The following RPS6KA2 variants were observed in gnomAD, a reference collection of about 807,000 sequenced individuals.
RPS6KA2 encodes the protein ribosomal protein S6 kinase alpha-2.
RPS6KA2 carries 42 observed loss-of-function variants against 91.8 expected under a neutral mutation model. The observed-to-expected ratio is 0.46, with a 90% CI of 0.36 to 0.59. RPS6KA2 has a LOEUF of 0.59. Ranked by LOEUF, RPS6KA2 falls within the 20% of genes least tolerant of loss-of-function variation. The pLI is 0.00. For synonymous variants in RPS6KA2, 414 were observed against 393.6 expected (o/e 1.05, Z -0.61); for missense variants, 798 against 978.5 (o/e 0.82, Z 2.46).
chr6:166,837,060 C>T (rs771359126), intron 2 of RPS6KA2, among the ~76,000 whole-genome samples: 16 of 152,218 alleles, frequency 1.1e-4, no homozygotes, highest in Non-Finnish European at 2.2e-4. Flanking sequence ...TGCCGCTCAC[C>T]TGGCCACAGC....
intron 10 of RPS6KA2, among the ~76,000 whole-genome samples, chr6:166,480,847 G>A (rs539696360): frequency 3.3e-5 from 5 of 151,950 alleles, no homozygotes; most frequent in Non-Finnish European, 7.4e-5. Context: ...ATGGGGTTTC[G>A]CCATGTTGGC....
intron 13 of RPS6KA2, among the ~76,000 whole-genome samples, chr6:166,450,015 TAA>T (rs1391631776): frequency 3.3e-4 from 23 of 70,046 alleles, no homozygotes; most frequent in Admixed American, 8.1e-4. Context: ...GGATGTCACC[TAA>T]GGGACCACCA....
intron 14 of RPS6KA2, among the ~76,000 whole-genome samples, chr6:166,442,117 T>C (rs1779537535): frequency 6.6e-6 from 1 of 152,222 alleles, no homozygotes; most frequent in South Asian, 2.1e-4. Context: ...ACCTTCCCCT[T>C]ACAGCCTAGG....
At chr6:166,839,270 T>C (rs1352040433) in intron 2 of RPS6KA2, among the ~76,000 whole-genome samples, 2 of 152,190 alleles carry the variant, frequency 1.3e-5, no homozygotes, top group South Asian at 4.1e-4. Context: ...AGTAGCTTCC[T>C]GCATTGTTCC....
In RPS6KA2 at chr6:166,495,950, G is replaced by A. The variant is rs1376331226; in HGVS notation, c.747+2558C>T. 1.3e-5 allele frequency among the ~76,000 whole-genome samples: 2 copies of A among 152,214 alleles called. No individual in the cohort carries two copies. Among genetic ancestry groups the A allele is most frequent in the Non-Finnish European group, 2.9e-5 (2 of 68,038 alleles). On this transcript the variant is annotated intron_variant, in intron 8 of 20. Coordinates refer to ENST00000265678, the MANE Select transcript of RPS6KA2 (RefSeq NM_021135.6). This position sits in a 1 kb window ranked among gnomAD's most constrained non-coding sequence, Gnocchi z 4.4. ...ACGTGGTCTCATTTCCTCTTCTTCTGGCCCCTCGTCGTGTCTCCATCTTTG... is the reference window on the plus strand; with the variant it reads ...ACGTGGTCTCATTTCCTCTTCTTCTAGCCCCTCGTCGTGTCTCCATCTTTG...
chr6:166,797,612 T>A lies in RPS6KA2; in HGVS notation c.123+60588A>T, dbSNP rs567236577. ...GTACCATCCATTAAGTGGAAATGGA[T>A]CCTCATACAGGTCTTCATCCTTGTT... On this transcript the variant is annotated intron_variant, in intron 2 of 21. Coordinates refer to the RPS6KA2 transcript ENST00000503859. Among the ~76,000 whole-genome samples the A allele has an allele frequency of 7.2e-5, 11 of 152,138 alleles. No individual in the cohort carries two copies. In the South Asian group the frequency reaches 1.7e-3, roughly 23 times the overall value.
chr6:166,549,942 C>G (rs1399342482), intron 1 of RPS6KA2, among the ~76,000 whole-genome samples: 1 of 152,116 alleles, frequency 6.6e-6, no homozygotes, highest in Non-Finnish European at 1.5e-5. Context: ...CTTCCTGTGA[C>G]TCTATAATCA....
intron 1 of RPS6KA2, among the ~76,000 whole-genome samples, chr6:166,572,563 C>A (rs1217527442): frequency 6.6e-6 from 1 of 152,274 alleles, no homozygotes; most frequent in East Asian, 1.9e-4. Context: ...ACATAGCTCT[C>A]ATTGCCGGCT....
chr6:166,500,734 A>C lies in RPS6KA2; in HGVS notation c.604+153T>G, dbSNP rs569343678. Reference sequence around the variant, plus strand: ...TATGAAGACATACAATGCCATAAGCAGTCTGTAGCTATAGAAAATTCTGCC... The same window carrying C: ...TATGAAGACATACAATGCCATAAGCCGTCTGTAGCTATAGAAAATTCTGCC... On this transcript the variant is annotated intron_variant, in intron 7 of 20. Transcript: ENST00000265678. The surrounding 1 kb of genome is among the most constrained non-coding windows in gnomAD (Gnocchi z 4.3). 6.6e-6 allele frequency among the ~76,000 whole-genome samples: 1 copy of C among 152,202 alleles called. No homozygotes were observed.
At chr6:166,491,443 A>G (rs1450854283) in intron 8 of RPS6KA2, among the ~76,000 whole-genome samples, 2 of 152,182 alleles carry the variant, frequency 1.3e-5, no homozygotes, top group Non-Finnish European at 2.9e-5. Flanking sequence ...GTGGCCTGGA[A>G]TGGTCTCATC....
At chr6:166,661,382 G>A (rs538768741) in intron 2 of RPS6KA2, among the ~76,000 whole-genome samples, 2 of 152,328 alleles carry the variant, frequency 1.3e-5, no homozygotes, top group African/African-American at 2.4e-5. Context: ...TTATAGGCAT[G>A]AGCCACCGCT....
chr6:166,821,906 A>G lies in RPS6KA2; in HGVS notation c.123+36294T>C, dbSNP rs1375040826. 6.6e-6 allele frequency among the ~76,000 whole-genome samples: 1 copy of G among 151,934 alleles called. No individual in the cohort carries two copies. Among genetic ancestry groups the G allele is most frequent in the African/African-American group, 2.4e-5 (1 of 41,358 alleles). On this transcript the variant is annotated intron_variant, in intron 2 of 21. Coordinates refer to the RPS6KA2 transcript ENST00000503859. This position sits in a 1 kb window ranked among gnomAD's most constrained non-coding sequence, Gnocchi z 4.1. Reference sequence around the variant, plus strand: ...TCTTCCCCTTCTCAGTTAACGGCACACTCAGATGTTCAGGTTCAACACTGG... The same window carrying G: ...TCTTCCCCTTCTCAGTTAACGGCACGCTCAGATGTTCAGGTTCAACACTGG...
Position 166,451,219 on chromosome 6 carries a change from G to T in RPS6KA2, c.1090C>A (p.Pro364Thr). 1 of 1,613,984 alleles carries T rather than the reference G, an allele frequency of 6.2e-7. No homozygotes were observed. The highest frequency in any genetic ancestry group is 1.1e-5 in the South Asian group (1 of 91,072). The change falls in exon 13 of 21, where the codon CCC becomes ACC. Residue 364 changes from proline to threonine, a missense_variant. Pro to Thr is a conservative substitution (Grantham distance 38, BLOSUM62 -1). Coordinates refer to ENST00000265678, the MANE Select transcript of RPS6KA2 (RefSeq NM_021135.6). ...ARTPTDSPGV[P>T]PSANAHHLFR... ...AGGTGATGAGCGTTTGCACTCGGGGGGACGCCAGGAGAGTCTGTAGGTGAC... is the reference window on the plus strand; with the variant it reads ...AGGTGATGAGCGTTTGCACTCGGGGTGACGCCAGGAGAGTCTGTAGGTGAC...
At chr6:166,463,171 G>A (rs1780387405) in intron 11 of RPS6KA2, 1 of 152,252 alleles carries the variant, frequency 6.6e-6, no homozygotes, top group African/African-American at 2.4e-5. Flanking sequence ...GTGCTAATAT[G>A]TGTTATTACT....
At chr6:166,793,584 C>T (rs564708080) in intron 2 of RPS6KA2, among the ~76,000 whole-genome samples, 41,062 of 145,672 alleles carry the variant, frequency 0.28, 5,926 homozygotes, top group Middle Eastern at 0.32. Context: ...GGAGGCATCA[C>T]GTTACCTGAC....
At position 166,842,900 on chromosome 6, in the gene RPS6KA2, G is replaced by T. The variant is rs553643595; in HGVS notation, c.123+15300C>A. Among the ~76,000 whole-genome samples the T allele has an allele frequency of 1.1e-4, 16 of 152,166 alleles. No individual in the cohort carries two copies. In the South Asian group the frequency reaches 3.3e-3, roughly 32 times the overall value. On this transcript the variant is annotated intron_variant, in intron 2 of 21. Coordinates refer to the RPS6KA2 transcript ENST00000503859. The stretch of plus-strand genomic sequence containing the variant: ...TACCAGGAAAGCCTAGAGAATCCAC[G>T]GACCCTTTGAAGGAACTTTATCGCT...
At position 166,648,153 on chromosome 6, in the gene RPS6KA2, T is replaced by TAC. The variant is rs3071069; in HGVS notation, c.124-109371_124-109370dup. ...ACATACATGCACACACGCACATGGT[T>TAC]ACACACCCATGCACACATGCTCACA... On this transcript the variant is annotated intron_variant, in intron 2 of 21. Transcript: ENST00000503859. This position sits in a 1 kb window ranked among gnomAD's most constrained non-coding sequence, Gnocchi z 4.8. Among the ~76,000 whole-genome samples the TAC allele has an allele frequency of 0.35, 45,943 of 132,058 alleles. 7,096 individuals are homozygous for TAC. Among genetic ancestry groups the TAC allele is most frequent in the Middle Eastern group, 0.5 (103 of 208 alleles). The allele number at this position is 132,058 out of a possible 152,430, so 86.6% of individuals were successfully genotyped here.
rs1438593102 is a variant in RPS6KA2 at position 166,733,998 on chromosome 6, G to A, written c.123+124202C>T. 2.6e-5 allele frequency among the ~76,000 whole-genome samples: 4 copies of A among 152,194 alleles called. No individual in the cohort carries two copies. Among genetic ancestry groups the A allele is most frequent in the African/African-American group, 9.7e-5 (4 of 41,446 alleles). On this transcript the variant is annotated intron_variant, in intron 2 of 21. Coordinates refer to the RPS6KA2 transcript ENST00000503859. The surrounding 1 kb of genome is among the most constrained non-coding windows in gnomAD (Gnocchi z 4.1). Reference sequence around the variant, plus strand: ...GGTGTTGACCTCCAAAAGCAAAGGTGCATGCAAGCGAAGGGACATTGGTAA... The same window carrying A: ...GGTGTTGACCTCCAAAAGCAAAGGTACATGCAAGCGAAGGGACATTGGTAA...
At chr6:166,611,081 A>T (rs970556796) in intron 1 of RPS6KA2, among the ~76,000 whole-genome samples, 3 of 152,242 alleles carry the variant, frequency 2.0e-5, no homozygotes, top group Non-Finnish European at 2.9e-5. Flanking sequence ...CAACGAATGA[A>T]ATAAATTTAA....
Sources: gnomAD v4.1 joint callset for allele counts (sites outside exome capture counted in the v4.1 genomes callset) on GRCh38, gnomAD v4.1.1 for gene constraint, Gnocchi (gnomAD v3.1) non-coding constraint, MANE v1.5 for transcripts, NCBI Gene and HGNC (gene_info 2026-07-23, HGNC 2026-07-21) for gene names.